Variants in RSRC1 observed in about 807,000 individuals in gnomAD.
RSRC1 encodes arginine and serine rich coiled-coil 1.
Under a neutral mutation model 49.1 loss-of-function variants are expected in RSRC1, and 39 were observed. That is an observed-to-expected ratio of 0.79 (90% CI 0.61 to 1.04). RSRC1 has a LOEUF of 1.04. Ranked by LOEUF, RSRC1 falls within the 50% of genes least tolerant of loss-of-function variation. The probability of loss-of-function intolerance (pLI) is 0.00; values close to 1 mark genes in which losing one functional copy is unlikely to be tolerated. For synonymous variants in RSRC1, 143 were observed against 130.8 expected (o/e 1.09, Z -0.63); for missense variants, 388 against 402.4 (o/e 0.96, Z 0.31).
At chr3:158,358,773 A>C (rs1731302614) in intron 6 of RSRC1, among the ~76,000 whole-genome samples, 1 of 152,080 alleles carries the variant, frequency 6.6e-6, no homozygotes, top group African/African-American at 2.4e-5. Context: ...CCTTTCCCCC[A>C]AGCCCTTGAC....
intron 5 of RSRC1, among the ~76,000 whole-genome samples, chr3:158,323,950 CAGAG>C (rs2108174091): frequency 1.0e-5 from 1 of 99,002 alleles, no homozygotes; most frequent in Non-Finnish European, 2.2e-5. Context: ...TATATATACA[CAGAG>C]AGAGACAGAG....
intron 7 of RSRC1, among the ~76,000 whole-genome samples, chr3:158,535,319 C>T (rs1325520873): frequency 6.6e-6 from 1 of 151,220 alleles, no homozygotes; most frequent in Admixed American, 6.6e-5. Context: ...AAAACAAATA[C>T]ACTTGGTCAT....
At chr3:158,137,912 G>C (rs1020698409) in intron 3 of RSRC1, among the ~76,000 whole-genome samples, 1 of 152,064 alleles carries the variant, frequency 6.6e-6, no homozygotes, top group African/African-American at 2.4e-5. Flanking sequence ...TGATCTGCCC[G>C]CCTCAGCCTC....
At chr3:158,337,781 G>GT (rs1730001518) in intron 5 of RSRC1, among the ~76,000 whole-genome samples, 1 of 152,094 alleles carries the variant, frequency 6.6e-6, no homozygotes, top group Admixed American at 6.5e-5. Flanking sequence ...AGCTAAACAG[G>GT]TAGCCTCGAT....
chr3:158,544,415 T>C lies in RSRC1; in HGVS notation c.*140T>C. On this transcript the variant is annotated 3_prime_UTR_variant, in exon 10 of 10. Coordinates refer to ENST00000611884, the MANE Select transcript of RSRC1 (RefSeq NM_001271838.2). ...GTAGTCTCATTTCATTTGTCTCTCA[T>C]GTAGGCTTGAATATTTGTTAATTTG... The C allele has an allele frequency of 2.1e-6, 1 of 473,486 alleles. No homozygotes were observed. The highest frequency in any genetic ancestry group is 3.8e-5 in the Admixed American group (1 of 26,234). 29.3% of individuals were successfully genotyped at this position (473,486 alleles called of 1,614,324 possible). A position where few individuals can be genotyped will look rare whatever the true frequency, so the allele number is the denominator to read the frequency against.
chr3:158,400,007 A>C (rs1239194141), intron 6 of RSRC1, among the ~76,000 whole-genome samples: 9 of 152,196 alleles, frequency 5.9e-5, no homozygotes, highest in Non-Finnish European at 1.0e-4. Flanking sequence ...ATTGTAACCT[A>C]ACTGATAGAA....
At chr3:158,419,732 T>C (rs1324004031) in intron 6 of RSRC1, among the ~76,000 whole-genome samples, 1 of 151,592 alleles carries the variant, frequency 6.6e-6, no homozygotes, top group African/African-American at 2.4e-5. Context: ...CACTTTATTG[T>C]AGTACCTGTC....
At chr3:158,248,720 C>A (rs1724043187) in intron 4 of RSRC1, among the ~76,000 whole-genome samples, 1 of 151,970 alleles carries the variant, frequency 6.6e-6, no homozygotes. Flanking sequence ...GCCTCAGCCT[C>A]CTGAGTAGCT....
intron 6 of RSRC1, among the ~76,000 whole-genome samples, chr3:158,365,365 T>C (rs541616590): frequency 6.6e-6 from 1 of 152,192 alleles, no homozygotes; most frequent in South Asian, 2.1e-4. Context: ...GTTCTCATTG[T>C]TCAACTCCCA....
At chr3:158,393,680 C>G (rs572669284) in intron 6 of RSRC1, among the ~76,000 whole-genome samples, 3 of 152,062 alleles carry the variant, frequency 2.0e-5, no homozygotes, top group African/African-American at 7.2e-5. Context: ...AAAAAGGCTA[C>G]CAACCAGAAA....
chr3:158,466,225 T>G (rs1578514746), intron 7 of RSRC1, among the ~76,000 whole-genome samples: 1 of 152,324 alleles, frequency 6.6e-6, no homozygotes, highest in East Asian at 1.9e-4. Flanking sequence ...TCATACTATT[T>G]TTGCTTCATA....
intron 6 of RSRC1, among the ~76,000 whole-genome samples, chr3:158,421,181 A>T (rs1421230627): frequency 1.3e-5 from 2 of 151,934 alleles, no homozygotes; most frequent in African/African-American, 4.8e-5. Context: ...AACAAAGAAG[A>T]TCAGTATGGA....
At chr3:158,131,879 A>G (rs1013055276) in intron 3 of RSRC1, among the ~76,000 whole-genome samples, 1 of 152,238 alleles carries the variant, frequency 6.6e-6, no homozygotes, top group Non-Finnish European at 1.5e-5. Context: ...AAGTAATATA[A>G]TTTTAGAAAA....
chr3:158,484,080 T>A (rs1300573044), intron 7 of RSRC1, among the ~76,000 whole-genome samples: 9 of 152,092 alleles, frequency 5.9e-5, no homozygotes, highest in African/African-American at 9.7e-5. Context: ...CATGGCAAAT[T>A]TAAAGTTGAT....
Position 158,443,349 on chromosome 3 carries a change from G to A in RSRC1, c.584-17586G>A, listed in dbSNP as rs556856732. ...GTAGCCGCCTTCATCAATGATCTTAGCTAGATCTTCTGGATCACTTGCAGC... is the reference window on the plus strand; with the variant it reads ...GTAGCCGCCTTCATCAATGATCTTAACTAGATCTTCTGGATCACTTGCAGC... On this transcript the variant is annotated intron_variant, in intron 6 of 9. Transcript: ENST00000611884. Among the ~76,000 whole-genome samples, 215 of 152,278 alleles carry A rather than the reference G, an allele frequency of 1.4e-3. 4 individuals are homozygous for A. The highest frequency in any genetic ancestry group is 5.0e-3 in the African/African-American group (208 of 41,552).
chr3:158,447,649 A>G (rs1317601898), intron 6 of RSRC1, among the ~76,000 whole-genome samples: 1 of 151,930 alleles, frequency 6.6e-6, no homozygotes, highest in African/African-American at 2.4e-5. Flanking sequence ...ATATGAAAGT[A>G]TCTTAAAGTA....
At chr3:158,129,288 C>CTTTTTTTTT (rs71144439) in intron 3 of RSRC1, among the ~76,000 whole-genome samples, 45 of 71,068 alleles carry the variant, frequency 6.3e-4, no homozygotes, top group South Asian at 1.8e-3. Context: ...TTCTTTCTTT[C>CTTTTTTTTT]TTTTTTTTTT....
intron 6 of RSRC1, among the ~76,000 whole-genome samples, chr3:158,424,937 A>AT (rs1735317635): frequency 6.6e-6 from 1 of 151,214 alleles, no homozygotes; most frequent in South Asian, 2.1e-4. Context: ...CCCCTTTATC[A>AT]TTTTTTATTG....
At chr3:158,310,154 TATAAG>T (rs1466797423) in intron 5 of RSRC1, among the ~76,000 whole-genome samples, 15 of 151,592 alleles carry the variant, frequency 9.9e-5, no homozygotes, top group Admixed American at 3.9e-4. Flanking sequence ...ACTTTATTTA[TATAAG>T]ATATTATATA....
Sources: gnomAD v4.1 joint callset for allele counts (sites outside exome capture counted in the v4.1 genomes callset) on GRCh38, gnomAD v4.1.1 for gene constraint, MANE v1.5 for transcripts, NCBI Gene and HGNC (gene_info 2026-07-23, HGNC 2026-07-21) for gene names.